Variants in LEF1 observed in about 807,000 individuals in gnomAD.
LEF1 encodes the protein lymphoid enhancer binding factor 1, also known as lymphoid enhancer-binding factor 1.
In LEF1, 14 loss-of-function variants were observed where a neutral mutation model predicts 51.2. That is an observed-to-expected ratio of 0.27 (90% confidence interval 0.18 to 0.43). LEF1 has a LOEUF of 0.43. LEF1 is among the 20% of genes least tolerant of loss of function. LEF1 has a pLI of 1.00. For missense variants in LEF1, 386 were observed against 512.0 expected, an observed-to-expected ratio of 0.75 and a Z score of 2.37; for synonymous variants, 185 against 183.2, an observed-to-expected ratio of 1.01 and a Z score of -0.08.
intron 3 of LEF1, among the ~76,000 whole-genome samples, chr4:108,125,196 C>T (rs566505373): frequency 6.6e-6 from 1 of 152,180 alleles, no homozygotes; most frequent in African/African-American, 2.4e-5. Context: ...CAGAGTCTTG[C>T]TCTATCGCCC....
rs563630032 is a variant in LEF1 at position 108,114,616 on chromosome 4, G to A, written c.415-25359C>T. Among the ~76,000 whole-genome samples the A allele has an allele frequency of 3.9e-5, 6 of 152,318 alleles. No individual in the cohort carries two copies. The East Asian group carries it at 1.2e-3, about 29-fold the overall frequency. On this transcript the variant is annotated intron_variant, in intron 3 of 11. Coordinates refer to ENST00000265165, the MANE Select transcript of LEF1 (RefSeq NM_016269.5). ...GTGGACGTTTAAGTGTGGTGCATAT[G>A]AGCAGACAAACTCTGCGAGCTAAAG...
intron 9 of LEF1, among the ~76,000 whole-genome samples, chr4:108,068,422 T>C (rs1241657784): frequency 6.6e-6 from 1 of 152,160 alleles, no homozygotes; most frequent in African/African-American, 2.4e-5. Context: ...CTTGCATAAA[T>C]TACCTAAACT....
At chr4:108,109,441 C>A (rs889977891) in intron 3 of LEF1, among the ~76,000 whole-genome samples, 1 of 152,180 alleles carries the variant, frequency 6.6e-6, no homozygotes. Flanking sequence ...CTGTCACTTA[C>A]CAACTGGGTG....
chr4:108,149,381 C>A (rs1744201213), intron 3 of LEF1, among the ~76,000 whole-genome samples: 1 of 140,114 alleles, frequency 7.1e-6, no homozygotes, highest in East Asian at 2.1e-4. Flanking sequence ...ATGGCGTGAA[C>A]CCGGGAGGCG....
chr4:108,163,508 C>G lies in LEF1; in HGVS notation c.414+60G>C. On this transcript the variant is annotated intron_variant, in intron 3 of 11. Coordinates refer to ENST00000265165, the MANE Select transcript of LEF1 (RefSeq NM_016269.5). ...TGAGTTTGGAAAAATAAACATTCTGCCAAAATACAAATCAATTTGCACTTC... is the reference window on the plus strand; with the variant it reads ...TGAGTTTGGAAAAATAAACATTCTGGCAAAATACAAATCAATTTGCACTTC... The G allele has an allele frequency of 1.9e-6, 3 of 1,565,214 alleles. No individual in the cohort carries two copies. In the South Asian group the frequency reaches 3.5e-5, roughly 18 times the overall value.
intron 3 of LEF1, among the ~76,000 whole-genome samples, chr4:108,116,943 C>T (rs1741880568): frequency 6.6e-6 from 1 of 152,216 alleles, no homozygotes; most frequent in South Asian, 2.1e-4. Context: ...CATTCTATAG[C>T]TTCAAGCCCA....
rs757115649 is a variant in LEF1 at position 108,048,646 on chromosome 4, G to C, written c.*112C>G. On this transcript the variant is annotated 3_prime_UTR_variant, in exon 12 of 12. Coordinates refer to ENST00000265165, the MANE Select transcript of LEF1 (RefSeq NM_016269.5). ...TCAGTGTTCCTTTGGGGTCGACTGGGCAGGCCGTGGAGACAGTCTGGGTTT... is the reference window on the plus strand; with the variant it reads ...TCAGTGTTCCTTTGGGGTCGACTGGCCAGGCCGTGGAGACAGTCTGGGTTT... 1 of 1,511,790 alleles carries C rather than the reference G, an allele frequency of 6.6e-7. No individual in the cohort carries two copies. Among genetic ancestry groups the C allele is most frequent in the South Asian group, 1.3e-5 (1 of 78,574 alleles). 93.6% of individuals were successfully genotyped at this position (1,511,790 alleles called of 1,614,324 possible).
intron 3 of LEF1, among the ~76,000 whole-genome samples, chr4:108,140,068 C>T (rs1455932784): frequency 6.6e-6 from 1 of 151,914 alleles, no homozygotes; most frequent in Non-Finnish European, 1.5e-5. Flanking sequence ...CATAAAAATA[C>T]ACACACACAC....
At chr4:108,091,844 C>T (rs997806613) in intron 3 of LEF1, among the ~76,000 whole-genome samples, 22 of 152,210 alleles carry the variant, frequency 1.4e-4, no homozygotes, top group African/African-American at 3.9e-4. Context: ...CAAATCTCAA[C>T]GCCCAAATGT....
chr4:108,051,881 C>T (rs1429965491), intron 11 of LEF1, among the ~76,000 whole-genome samples: 1 of 152,102 alleles, frequency 6.6e-6, no homozygotes, highest in African/African-American at 2.4e-5. Context: ...CAAGAGTGGG[C>T]CTGTTTCTGG....
intron 3 of LEF1, among the ~76,000 whole-genome samples, chr4:108,138,401 T>C (rs1743432329): frequency 2.0e-5 from 3 of 152,204 alleles, no homozygotes; most frequent in Admixed American, 2.0e-4. Flanking sequence ...AAAGTGAGCA[T>C]TATAATGCTT....
intron 8 of LEF1, 21 bp from the exon 9 acceptor site, chr4:108,070,791 G>GAAA: frequency 6.5e-7 from 1 of 1,537,804 alleles, no homozygotes; most frequent in Non-Finnish European, 8.9e-7. Context: ...GAGGAAGGAA[G>GAAA]AAAAAAACAA....
chr4:108,118,229 A>G (rs1171682470), intron 3 of LEF1, among the ~76,000 whole-genome samples: 3 of 152,238 alleles, frequency 2.0e-5, no homozygotes, highest in African/African-American at 4.8e-5. Flanking sequence ...TTTCTAAAAG[A>G]TGAGCTTATT....
chr4:108,064,233 A>C, intron 10 of LEF1, 103 bp downstream of exon 10: 1 of 714,726 alleles, frequency 1.4e-6, no homozygotes, highest in East Asian at 2.7e-5. Context: ...AAGCATCATA[A>C]GTTACAGTCA....
At chr4:108,091,498 T>C (rs1195109733) in intron 3 of LEF1, among the ~76,000 whole-genome samples, 3 of 151,838 alleles carry the variant, frequency 2.0e-5, no homozygotes, top group Admixed American at 1.3e-4. Flanking sequence ...GAAAATGATA[T>C]AATTTCCATA....
rs1188004200 is a variant in LEF1 at position 108,081,271 on chromosome 4, C to G, written c.722+315G>C. ...CGGCATATTTTGAATCAAACAAACT[C>G]TTCTTGTAATGTCCGCTTTCCGGAC... On this transcript the variant is annotated intron_variant, in intron 6 of 11. Transcript: ENST00000265165. 2.0e-5 allele frequency among the ~76,000 whole-genome samples: 3 copies of G among 152,164 alleles called. No individual in the cohort carries two copies. In the South Asian group the frequency reaches 6.2e-4, roughly 32 times the overall value.
intron 9 of LEF1, among the ~76,000 whole-genome samples, chr4:108,067,415 C>G (rs1465646523): frequency 1.3e-5 from 2 of 151,912 alleles, no homozygotes; most frequent in African/African-American, 2.4e-5. Flanking sequence ...ATTCAAGAAG[C>G]AATGCTGAAT....
chr4:108,058,402 TCTTTA>T (rs1737449298), intron 11 of LEF1, among the ~76,000 whole-genome samples: 2 of 152,182 alleles, frequency 1.3e-5, no homozygotes, highest in South Asian at 4.1e-4. Context: ...ACATTATAAT[TCTTTA>T]CTTCTTTAAT....
intron 3 of LEF1, among the ~76,000 whole-genome samples, chr4:108,091,202 AT>A (rs1739995172): frequency 6.6e-6 from 1 of 152,158 alleles, no homozygotes; most frequent in Non-Finnish European, 1.5e-5. Flanking sequence ...ACTGCTTAAA[AT>A]GTAAGTCCAT....
Sources: gnomAD v4.1 joint callset for allele counts (sites outside exome capture counted in the v4.1 genomes callset) on GRCh38, gnomAD v4.1.1 for gene constraint, MANE v1.5 for transcripts, NCBI Gene and HGNC (gene_info 2026-07-23, HGNC 2026-07-21) for gene names.